Variants in TMPRSS11F observed in about 807,000 individuals in gnomAD.
TMPRSS11F encodes transmembrane serine protease 11F.
TMPRSS11F carries 47 observed loss-of-function variants against 60.2 expected under a neutral mutation model. That is an observed-to-expected ratio of 0.78 (90% confidence interval 0.62 to 1.00). TMPRSS11F has a LOEUF of 1.00. Among genes scored for constraint, TMPRSS11F ranks in the 50% least tolerant of loss-of-function variants. TMPRSS11F has a pLI of 0.00. For synonymous variants in TMPRSS11F, 166 were observed against 167.3 expected, an observed-to-expected ratio of 0.99 and a Z score of 0.06; for missense variants, 519 against 522.9, an observed-to-expected ratio of 0.99 and a Z score of 0.07.
chr4:68,114,681 T>A (rs1724479523), intron 1 of TMPRSS11F, among the ~76,000 whole-genome samples: 2 of 151,778 alleles, frequency 1.3e-5, no homozygotes, highest in African/African-American at 4.8e-5. Context: ...AGACATTATT[T>A]TTAAAAATCG....
chr4:68,112,406 T>C (rs1374263279), intron 1 of TMPRSS11F, among the ~76,000 whole-genome samples: 1 of 152,182 alleles, frequency 6.6e-6, no homozygotes, highest in African/African-American at 2.4e-5. Context: ...CATCATTTTA[T>C]TAATGCCAAA....
intron 8 of TMPRSS11F, chr4:68,062,912 A>G (rs768370541): frequency 2.5e-6 from 2 of 803,750 alleles, no homozygotes; most frequent in East Asian, 2.6e-5. Flanking sequence ...TTCTGCTGAT[A>G]GTCTCCCATT....
intron 2 of TMPRSS11F, among the ~76,000 whole-genome samples, chr4:68,092,643 TTA>T (rs1335558608): frequency 6.6e-6 from 1 of 151,950 alleles, no homozygotes; most frequent in Non-Finnish European, 1.5e-5. Flanking sequence ...CTCACATATA[TTA>T]TCTTATTAAA....
At chr4:68,099,581 C>T (rs1048766980) in intron 1 of TMPRSS11F, among the ~76,000 whole-genome samples, 5 of 152,140 alleles carry the variant, frequency 3.3e-5, no homozygotes, top group Non-Finnish European at 7.4e-5. Flanking sequence ...AAATATCTTA[C>T]ATCATTTACC....
At position 68,059,387 on chromosome 4, in the gene TMPRSS11F, C is replaced by T; in HGVS notation, c.1097G>A (p.Gly366Asp). ...ACATAACATTCCTGGAGTTATCAGG[C>T]CATCATACACATCCTTTCTGTTACA... The part of the protein sequence containing the change: ...DVCNRKDVYD[G>D]LITPGMLCAG... Residue 366 changes from glycine to aspartate, a missense_variant, in exon 9 of 10, where the codon GGC becomes GAC. By Grantham distance (94) the Gly-to-Asp change is moderately conservative. Transcript: ENST00000356291. 6.2e-7 allele frequency: 1 copy of T among 1,613,798 alleles called. No individual in the cohort carries two copies. Among genetic ancestry groups the T allele is most frequent in the Non-Finnish European group, 8.5e-7 (1 of 1,179,926 alleles).
chr4:68,103,865 T>TATG (rs1724244295), intron 1 of TMPRSS11F, among the ~76,000 whole-genome samples: 22 of 152,302 alleles, frequency 1.4e-4, no homozygotes, highest in Admixed American at 1.1e-3. Context: ...ATCTTTCACT[T>TATG]CCTTGGTTAA....
At chr4:68,116,839 A>G (rs1234464023) in intron 1 of TMPRSS11F, among the ~76,000 whole-genome samples, 1 of 152,220 alleles carries the variant, frequency 6.6e-6, no homozygotes, top group Non-Finnish European at 1.5e-5. Flanking sequence ...ATAAAAATCA[A>G]CTTGAAATGG....
At chr4:68,089,579 G>A (rs1723883329) in intron 3 of TMPRSS11F, among the ~76,000 whole-genome samples, 1 of 152,106 alleles carries the variant, frequency 6.6e-6, no homozygotes, top group Non-Finnish European at 1.5e-5. Flanking sequence ...CATAAGAACT[G>A]TGGTAATAAT....
At chr4:68,056,063 C>A (rs1329282911) in intron 9 of TMPRSS11F, among the ~76,000 whole-genome samples, 1 of 152,074 alleles carries the variant, frequency 6.6e-6, no homozygotes. Context: ...CATATATTGG[C>A]TTTTATTATT....
In TMPRSS11F at chr4:68,053,552, A is replaced by G. The variant is rs1237339313; in HGVS notation, c.*357T>C. On this transcript the variant is annotated 3_prime_UTR_variant, in exon 10 of 10. Coordinates refer to ENST00000356291, the MANE Select transcript of TMPRSS11F (RefSeq NM_207407.2). ...AAGAATCTCACATGCTCCAGGTATT[A>G]TATGAGGTAAGATTTTGGCATTACT... is the stretch of plus-strand genomic sequence containing the variant. 1.2e-5 allele frequency: 2 copies of G among 167,866 alleles called. No individual in the cohort carries two copies. Among genetic ancestry groups the G allele is most frequent in the Non-Finnish European group, 2.5e-5 (2 of 78,500 alleles). 10.4% of individuals were successfully genotyped at this position (167,866 alleles called of 1,614,324 possible).
Position 68,129,863 on chromosome 4 carries a change from C to T in TMPRSS11F, c.-43G>A. 2 of 1,607,804 alleles carry T rather than the reference C, an allele frequency of 1.2e-6. No individual in the cohort carries two copies. On this transcript the variant is annotated 5_prime_UTR_variant, in exon 1 of 10. Transcript: ENST00000356291. ...AGCTTCTATTCAGTCACCATCTGAT[C>T]TGTATCAGCAGGTTAGGACTTGGAG... is the stretch of plus-strand genomic sequence containing the variant.
At chr4:68,086,694 C>A (rs2109860520) in intron 3 of TMPRSS11F, among the ~76,000 whole-genome samples, 1 of 152,168 alleles carries the variant, frequency 6.6e-6, no homozygotes, top group Admixed American at 6.5e-5. Flanking sequence ...ACATTACAAC[C>A]AATCCCACAG....
chr4:68,063,310 T>A (rs1471597661), intron 8 of TMPRSS11F: 2 of 519,428 alleles, frequency 3.9e-6, no homozygotes, highest in Non-Finnish European at 3.8e-6. Flanking sequence ...GGCGGAAACT[T>A]AAGTATTTCT....
chr4:68,101,840 G>A (rs1461744989), intron 1 of TMPRSS11F, among the ~76,000 whole-genome samples: 3 of 151,872 alleles, frequency 2.0e-5, no homozygotes, highest in Non-Finnish European at 4.4e-5. Flanking sequence ...TTGTTTTTGT[G>A]GCAACAGCAG....
intron 8 of TMPRSS11F, chr4:68,061,933 G>T (rs918370356): frequency 2.3e-6 from 1 of 430,476 alleles, no homozygotes; most frequent in Admixed American, 2.7e-5. Flanking sequence ...ATTCCTGTAT[G>T]AAAACGAATG....
chr4:68,071,566 T>C (rs1458302715), intron 5 of TMPRSS11F, among the ~76,000 whole-genome samples: 5 of 152,270 alleles, frequency 3.3e-5, no homozygotes, highest in Middle Eastern at 3.4e-3. Flanking sequence ...AAGACACAGG[T>C]CCTGCCCTTG....
At chr4:68,063,247 T>C in intron 8 of TMPRSS11F, 5 of 573,356 alleles carry the variant, frequency 8.7e-6, no homozygotes, top group Non-Finnish European at 1.7e-5. Context: ...CCACAGGTTC[T>C]CTCTCCACCT....
Position 68,059,340 on chromosome 4 carries a change from T to C in TMPRSS11F, c.1144A>G (p.Ile382Val). ...MLCAGFMEGK[I>V]DACKGDSGGP... ...TTTAAACTTACCTTACATGCATCTA[T>C]TTTTCCTTCCATGAATCCAGCACAT... Residue 382 changes from isoleucine (I) to valine (V), a missense_variant, in exon 9 of 10, where the codon ATA becomes GTA. Physicochemically the swap from Ile to Val is conservative, Grantham distance 29. Transcript: ENST00000356291. The C allele has an allele frequency of 6.2e-7, 1 of 1,613,760 alleles. No homozygotes were observed. Among genetic ancestry groups the C allele is most frequent in the Non-Finnish European group, 8.5e-7 (1 of 1,179,928 alleles).
At chr4:68,085,485 G>A (rs1560401127) in intron 3 of TMPRSS11F, among the ~76,000 whole-genome samples, 6 of 152,168 alleles carry the variant, frequency 3.9e-5, no homozygotes, top group Admixed American at 3.3e-4. Flanking sequence ...ACACATTTAA[G>A]TACGTAGCCC....
Sources: gnomAD v4.1 joint callset for allele counts (sites outside exome capture counted in the v4.1 genomes callset) on GRCh38, gnomAD v4.1.1 for gene constraint, MANE v1.5 for transcripts, NCBI Gene and HGNC (gene_info 2026-07-23, HGNC 2026-07-21) for gene names.